Variants in ZMAT4 observed in about 807,000 individuals in gnomAD.
ZMAT4 encodes zinc finger matrin-type 4.
ZMAT4 carries 17 observed loss-of-function variants against 28.7 expected under a neutral mutation model. The observed-to-expected ratio is 0.59, with a 90% confidence interval of 0.41 to 0.89. The LOEUF (loss-of-function observed/expected upper bound fraction) is 0.89, where lower values mean the gene tolerates loss of function less well. ZMAT4 is among the 40% of genes least tolerant of loss of function. The pLI, the probability that ZMAT4 is intolerant of heterozygous loss-of-function variation, is 0.00. For missense variants in ZMAT4, 240 were observed against 283.8 expected, an observed-to-expected ratio of 0.85 and a Z score of 1.11; for synonymous variants, 117 against 109.2, an observed-to-expected ratio of 1.07 and a Z score of -0.44.
At chr8:40,783,004 G>A (rs1359773202) in intron 2 of ZMAT4, among the ~76,000 whole-genome samples, 1 of 152,200 alleles carries the variant, frequency 6.6e-6, no homozygotes, top group Non-Finnish European at 1.5e-5. Flanking sequence ...CAAACAGTTT[G>A]GCAGTTCATG....
intron 3 of ZMAT4, among the ~76,000 whole-genome samples, chr8:40,764,552 C>T (rs201935981): frequency 2.3e-4 from 35 of 151,888 alleles, no homozygotes; most frequent in African/African-American, 3.1e-4. Flanking sequence ...TCTCTGTTTA[C>T]AAAGCCATAC....
chr8:40,833,089 G>A (rs1281227426), intron 1 of ZMAT4, among the ~76,000 whole-genome samples: 1 of 152,168 alleles, frequency 6.6e-6, no homozygotes, highest in Non-Finnish European at 1.5e-5. Context: ...GCAAGCGGGT[G>A]GTTTTCGTGA....
rs116721513 is a variant in ZMAT4, at chr8:40,849,827, C to T, written c.-4-24147G>A. ...CTCAATTACATAGCAGTTTATGTGC[C>T]TGGATATCTAAAGGGGCTCAAACCT... On this transcript the variant is annotated intron_variant, in intron 1 of 6. Transcript: ENST00000297737. Among the ~76,000 whole-genome samples, 999 of 152,228 alleles carry T rather than the reference C, an allele frequency of 6.6e-3. 15 individuals are homozygous for T. The highest frequency in any genetic ancestry group is 0.023 in the African/African-American group (947 of 41,522).
At chr8:40,765,653 G>C (rs1813129453) in intron 3 of ZMAT4, among the ~76,000 whole-genome samples, 1 of 152,202 alleles carries the variant, frequency 6.6e-6, no homozygotes, top group Non-Finnish European at 1.5e-5. Flanking sequence ...ACTGTAAACT[G>C]TCCTTGCGGT....
chr8:40,660,528 A>G (rs755772524), intron 5 of ZMAT4, among the ~76,000 whole-genome samples: 2 of 152,160 alleles, frequency 1.3e-5, no homozygotes, highest in Non-Finnish European at 2.9e-5. Flanking sequence ...GCATTTGTTG[A>G]GTGACTCATG....
chr8:40,660,358 G>A (rs1309009050), intron 5 of ZMAT4, among the ~76,000 whole-genome samples: 2 of 152,150 alleles, frequency 1.3e-5, no homozygotes, highest in African/African-American at 2.4e-5. Flanking sequence ...GTAAAGATAT[G>A]CAAATCATCT....
intron 1 of ZMAT4, among the ~76,000 whole-genome samples, chr8:40,885,865 G>C (rs1421038602): frequency 6.6e-6 from 1 of 152,160 alleles, no homozygotes; most frequent in Non-Finnish European, 1.5e-5. Context: ...CTCACTCCCT[G>C]TTCCCCTTGT....
chr8:40,608,724 C>T (rs1327143890), intron 5 of ZMAT4, among the ~76,000 whole-genome samples: 1 of 152,200 alleles, frequency 6.6e-6, no homozygotes, highest in African/African-American at 2.4e-5. Flanking sequence ...TCAGAAATGG[C>T]CTCCCTGGGG....
At chr8:40,749,120 G>A (rs1210889807) in intron 3 of ZMAT4, among the ~76,000 whole-genome samples, 3 of 152,072 alleles carry the variant, frequency 2.0e-5, no homozygotes, top group African/African-American at 7.2e-5. Flanking sequence ...CAGCCATATA[G>A]AACTGTGAGT....
intron 1 of ZMAT4, among the ~76,000 whole-genome samples, chr8:40,830,321 C>G (rs1052809803): frequency 1.3e-5 from 2 of 152,124 alleles, no homozygotes; most frequent in Admixed American, 1.3e-4. Context: ...ATAACCCTCA[C>G]CCCCTCTTCC....
intron 4 of ZMAT4, among the ~76,000 whole-genome samples, chr8:40,692,711 A>G (rs1002785447): frequency 2.6e-5 from 4 of 152,190 alleles, no homozygotes; most frequent in African/African-American, 9.7e-5. Flanking sequence ...AATCTTAAAA[A>G]TCACTTTGAT....
intron 3 of ZMAT4, among the ~76,000 whole-genome samples, chr8:40,720,017 C>A (rs1007431773): frequency 3.9e-5 from 6 of 152,184 alleles, no homozygotes; most frequent in African/African-American, 1.4e-4. Context: ...TGCAGTAGGA[C>A]CCAGTGACCA....
chr8:40,806,859 G>A (rs1049301561), intron 2 of ZMAT4, among the ~76,000 whole-genome samples: 7 of 150,728 alleles, frequency 4.6e-5, no homozygotes, highest in African/African-American at 1.5e-4. Flanking sequence ...CAGTGTAGAT[G>A]TTCAAAAATA....
At chr8:40,813,391 A>G (rs909705934) in intron 2 of ZMAT4, among the ~76,000 whole-genome samples, 1 of 152,262 alleles carries the variant, frequency 6.6e-6, no homozygotes, top group African/African-American at 2.4e-5. Context: ...AAGGCTGTTC[A>G]TACAACATAG....
At chr8:40,559,387 C>A (rs1192495408) in intron 6 of ZMAT4, among the ~76,000 whole-genome samples, 1 of 152,144 alleles carries the variant, frequency 6.6e-6, no homozygotes, top group East Asian at 1.9e-4. Flanking sequence ...GTTCAGTATG[C>A]ATGCATCATA....
At chr8:40,586,808 T>G (rs1201599487) in intron 5 of ZMAT4, among the ~76,000 whole-genome samples, 1 of 152,176 alleles carries the variant, frequency 6.6e-6, no homozygotes, top group African/African-American at 2.4e-5. Flanking sequence ...TACATTTTCT[T>G]ATAGAGCTAA....
intron 5 of ZMAT4, among the ~76,000 whole-genome samples, chr8:40,625,302 G>A (rs2122950): frequency 0.057 from 8,686 of 152,124 alleles, 425 homozygotes; most frequent in Admixed American, 0.15. Flanking sequence ...CCTAAGAACC[G>A]GTTCCAATTC....
intron 5 of ZMAT4, among the ~76,000 whole-genome samples, chr8:40,626,280 G>C (rs1806379095): frequency 6.6e-6 from 1 of 152,168 alleles, no homozygotes; most frequent in Non-Finnish European, 1.5e-5. Flanking sequence ...CGGAAGTGCA[G>C]CTAGTGAGGA....
chr8:40,896,114 G>A (rs1252734669), intron 1 of ZMAT4, among the ~76,000 whole-genome samples: 1 of 152,212 alleles, frequency 6.6e-6, no homozygotes, highest in Non-Finnish European at 1.5e-5. Flanking sequence ...TGTGAATAGA[G>A]TTTCAATAAT....
Sources: allele counts gnomAD v4.1 joint callset (sites outside exome capture counted in the v4.1 genomes callset), GRCh38; gene constraint gnomAD v4.1.1; transcripts MANE v1.5; gene names NCBI Gene and HGNC (gene_info 2026-07-23, HGNC 2026-07-21).